The following KMT2C variants were observed in gnomAD, a reference collection of about 807,000 sequenced individuals.
KMT2C encodes the protein lysine methyltransferase 2C.
Under a neutral mutation model 507.9 loss-of-function variants are expected in KMT2C, and 88 were observed. The observed-to-expected ratio is 0.17, with a 90% CI of 0.15 to 0.21. The LOEUF (loss-of-function observed/expected upper bound fraction) is 0.21, where lower values mean the gene tolerates loss of function less well. Among genes scored for constraint, KMT2C ranks in the 10% least tolerant of loss-of-function variants. The pLI is 1.00. For missense variants in KMT2C, 4,954 were observed against 5,957.8 expected, an observed-to-expected ratio of 0.83 and a Z score of 5.55; for synonymous variants, 2,049 against 2,080.8, an observed-to-expected ratio of 0.98 and a Z score of 0.42.
chr7:152,291,275 A>C (rs1318107700), intron 6 of KMT2C, among the ~76,000 whole-genome samples: 2 of 152,294 alleles, frequency 1.3e-5, no homozygotes, highest in African/African-American at 4.8e-5. Context: ...ATGGCAATTC[A>C]GTATATTCTG....
intron 2 of KMT2C, among the ~76,000 whole-genome samples, chr7:152,356,027 A>G (rs936255313): frequency 3.3e-5 from 5 of 152,116 alleles, no homozygotes; most frequent in Non-Finnish European, 7.3e-5. Flanking sequence ...AGGGGACACA[A>G]TGGAAGACAC....
intron 9 of KMT2C, among the ~76,000 whole-genome samples, chr7:152,253,280 G>A (rs1202250639): frequency 6.6e-6 from 1 of 152,004 alleles, no homozygotes; most frequent in Non-Finnish European, 1.5e-5. Context: ...ATAGGTGGAA[G>A]AGATAAAACC....
At chr7:152,316,119 G>T (rs1407722618) in intron 3 of KMT2C, among the ~76,000 whole-genome samples, 1 of 152,138 alleles carries the variant, frequency 6.6e-6, no homozygotes, top group Non-Finnish European at 1.5e-5. Context: ...CCTGGGTTGA[G>T]TGGTAGTAGA....
chr7:152,397,849 G>T (rs1344338729), intron 1 of KMT2C, among the ~76,000 whole-genome samples: 1 of 152,120 alleles, frequency 6.6e-6, no homozygotes, highest in East Asian at 1.9e-4. Flanking sequence ...TGCTGTGAGT[G>T]TGAGGCCTCC....
intron 2 of KMT2C, among the ~76,000 whole-genome samples, chr7:152,334,089 CA>C (rs796429675): frequency 6.6e-6 from 1 of 150,378 alleles, no homozygotes; most frequent in African/African-American, 2.4e-5. Context: ...AATCCCCCCC[CA>C]AAAAAAAAGG....
At chr7:152,364,679 A>C (rs1466630294) in intron 1 of KMT2C, among the ~76,000 whole-genome samples, 1 of 151,938 alleles carries the variant, frequency 6.6e-6, no homozygotes, top group Non-Finnish European at 1.5e-5. Context: ...TGTGATTAGA[A>C]ATGACAAAAG....
rs761512647 is a variant in KMT2C, at chr7:152,174,248, A to T, written c.9263-6T>A. ...ATCTGTAATTGCATCAAAATCTAGA[A>T]AAGAAATATAAAGTTACTTATTTCA... On this transcript the variant is annotated splice_polypyrimidine_tract_variant and splice_region_variant and intron_variant, in intron 38 of 58. Transcript: ENST00000262189. 1.4e-5 allele frequency: 19 copies of T among 1,380,746 alleles called. No individual in the cohort carries two copies. Among genetic ancestry groups the T allele is most frequent in the Non-Finnish European group, 1.7e-5 (17 of 976,204 alleles). 85.5% of individuals were successfully genotyped at this position (1,380,746 alleles called of 1,614,324 possible). A position where few individuals can be genotyped will look rare whatever the true frequency, so the allele number is the denominator to read the frequency against.
At chr7:152,307,996 A>G (rs1038222935) in intron 6 of KMT2C, among the ~76,000 whole-genome samples, 4 of 152,214 alleles carry the variant, frequency 2.6e-5, no homozygotes, top group African/African-American at 4.8e-5. Context: ...TAATTCATAA[A>G]ACAGATGGTT....
chr7:152,151,418 G>C, intron 50 of KMT2C, 24 bp downstream of exon 50: 1 of 1,612,442 alleles, frequency 6.2e-7, no homozygotes, highest in Non-Finnish European at 8.5e-7. Context: ...AGGAGGTGGG[G>C]TCATAAAAGG....
intron 6 of KMT2C, among the ~76,000 whole-genome samples, chr7:152,290,588 G>A (rs902802022): frequency 2.4e-4 from 37 of 151,446 alleles, no homozygotes; most frequent in Admixed American, 2.0e-3. Context: ...GATTACAGGC[G>A]TAAACCACTG....
intron 2 of KMT2C, among the ~76,000 whole-genome samples, chr7:152,339,309 T>C (rs537563586): frequency 6.6e-6 from 1 of 152,222 alleles, no homozygotes; most frequent in Non-Finnish European, 1.5e-5. Context: ...ATATTAAGAA[T>C]GTAAGCAACA....
intron 6 of KMT2C, among the ~76,000 whole-genome samples, chr7:152,297,057 G>C (rs945292309): frequency 1.1e-5 from 1 of 90,696 alleles, no homozygotes; most frequent in Non-Finnish European, 2.2e-5. Context: ...AAGAAAGACA[G>C]AGAGAGAGAG....
At chr7:152,375,113 G>T (rs892916139) in intron 1 of KMT2C, among the ~76,000 whole-genome samples, 20 of 152,294 alleles carry the variant, frequency 1.3e-4, no homozygotes, top group African/African-American at 4.8e-4. Context: ...CACAATCTCG[G>T]CTTACTGCAA....
intron 7 of KMT2C, among the ~76,000 whole-genome samples, chr7:152,272,889 C>T (rs1166494952): frequency 6.6e-6 from 1 of 151,820 alleles, no homozygotes; most frequent in Non-Finnish European, 1.5e-5. Context: ...ATTAACATTG[C>T]TAAGGAACAG....
At chr7:152,226,218 C>CATTTTTTTT (rs1563479395) in intron 18 of KMT2C, among the ~76,000 whole-genome samples, 1 of 128,002 alleles carries the variant, frequency 7.8e-6, no homozygotes, top group African/African-American at 3.2e-5. Flanking sequence ...CATTACAAGG[C>CATTTTTTTT]CTTTTTTTTT....
chr7:152,260,991 T>C (rs1373257096), intron 9 of KMT2C, among the ~76,000 whole-genome samples: 3 of 152,224 alleles, frequency 2.0e-5, no homozygotes, highest in Non-Finnish European at 4.4e-5. Flanking sequence ...TTGCAGGAAG[T>C]AAAAGAAGAG....
chr7:152,305,871 C>CATTGAAGAGCAA (rs1434995870), intron 6 of KMT2C, among the ~76,000 whole-genome samples: 3 of 152,106 alleles, frequency 2.0e-5, no homozygotes, highest in African/African-American at 7.2e-5. Flanking sequence ...TCAAGGAGCC[C>CATTGAAGAGCAA]TGGTTCCTTT....
Position 152,149,016 on chromosome 7 carries a change from G to A in KMT2C, c.12911C>T (p.Ser4304Leu), listed in dbSNP as rs2091386191. ...QLPEKASPPASPPIAFPPAFE... is the reference protein window; with the variant it reads ...QLPEKASPPALPPIAFPPAFE... ...AGCAGGAGGGAAGGCGATGGGTGGT[G>A]AGGCAGGGGGAGAAGCTTTCTCTGG... The change falls in exon 52 of 59, where the codon TCA becomes TTA. Residue 4304 changes from serine (S) to leucine (L), a missense_variant. By Grantham distance (145) the Ser-to-Leu change is moderately radical. Coordinates refer to ENST00000262189, the MANE Select transcript of KMT2C (RefSeq NM_170606.3). The A allele has an allele frequency of 6.5e-7, 1 of 1,544,496 alleles. No individual in the cohort carries two copies. Among genetic ancestry groups the A allele is most frequent in the Non-Finnish European group, 8.7e-7 (1 of 1,149,816 alleles).
At chr7:152,388,690 T>G (rs200069686) in intron 1 of KMT2C, among the ~76,000 whole-genome samples, 1 of 152,110 alleles carries the variant, frequency 6.6e-6, no homozygotes, top group East Asian at 1.9e-4. Flanking sequence ...CACAATATAT[T>G]AAAATTTTAA....
Sources: allele counts gnomAD v4.1 joint callset (sites outside exome capture counted in the v4.1 genomes callset), GRCh38; gene constraint gnomAD v4.1.1; transcripts MANE v1.5; gene names NCBI Gene and HGNC (gene_info 2026-07-23, HGNC 2026-07-21).